Variants in FRAS1 observed in about 807,000 individuals in gnomAD.
The protein encoded by FRAS1 is extracellular matrix organizing protein FRAS1.
A neutral mutation model predicts 435.2 loss-of-function variants in FRAS1; 290 were observed. That is an observed-to-expected ratio of 0.67 (90% CI 0.61 to 0.73). The LOEUF (loss-of-function observed/expected upper bound fraction) is 0.73. Ranked by LOEUF, FRAS1 falls within the 30% of genes least tolerant of loss-of-function variation. The pLI, the probability that FRAS1 is intolerant of heterozygous loss-of-function variation, is 0.00. For synonymous variants in FRAS1, 1,800 were observed against 1,851.0 expected, an observed-to-expected ratio of 0.97 and a Z score of 0.71; for missense variants, 4,860 against 5,001.5, an observed-to-expected ratio of 0.97 and a Z score of 0.85.
At chr4:78,380,093 C>A in intron 27 of FRAS1, 97 bp downstream of exon 27, 1 of 1,345,470 alleles carries the variant, frequency 7.4e-7, no homozygotes, top group East Asian at 2.3e-5. Context: ...AATAGCTAAC[C>A]CTTCTCATCT....
intron 62 of FRAS1, 48 bp downstream of exon 62, chr4:78,507,656 G>A (rs1352907357): frequency 5.3e-6 from 8 of 1,520,686 alleles, no homozygotes; most frequent in African/African-American, 1.4e-5. Flanking sequence ...TCAGTGACTA[G>A]TAGATGAGAA....
intron 20 of FRAS1, among the ~76,000 whole-genome samples, chr4:78,355,270 AT>A (rs144603985): frequency 0.26 from 38,946 of 151,818 alleles, 5,954 homozygotes; most frequent in Non-Finnish European, 0.33. Context: ...AAGGAGGTAC[AT>A]ATACAAACAA....
At chr4:78,536,759 GA>G (rs957764242) in intron 71 of FRAS1, among the ~76,000 whole-genome samples, 30 of 151,684 alleles carry the variant, frequency 2.0e-4, no homozygotes, top group African/African-American at 7.0e-4. Flanking sequence ...AATGCTTATT[GA>G]AAAAAAGAAG....
chr4:78,459,182 C>A (rs749141277), intron 47 of FRAS1, among the ~76,000 whole-genome samples: 1 of 152,190 alleles, frequency 6.6e-6, no homozygotes, highest in Admixed American at 6.5e-5. Context: ...CAATGAAATT[C>A]TATTTACAGG....
chr4:78,455,343 C>T (rs1188415652), intron 47 of FRAS1, among the ~76,000 whole-genome samples: 1 of 152,112 alleles, frequency 6.6e-6, no homozygotes, highest in Non-Finnish European at 1.5e-5. Context: ...TTGGCTACAG[C>T]TTAGCAAAAA....
intron 20 of FRAS1, 104 bp downstream of exon 20, chr4:78,337,921 T>C (rs1458609980): frequency 6.0e-5 from 65 of 1,085,858 alleles, no homozygotes; most frequent in Non-Finnish European, 8.2e-5. Context: ...TGAGCTCTTT[T>C]ATAGGAGACA....
chr4:78,231,020 A>C (rs1332727040), intron 2 of FRAS1, among the ~76,000 whole-genome samples: 1 of 152,028 alleles, frequency 6.6e-6, no homozygotes, highest in Non-Finnish European at 1.5e-5. Context: ...AGTGGCACGA[A>C]CTCGGCTCAC....
intron 15 of FRAS1, among the ~76,000 whole-genome samples, chr4:78,312,859 A>G (rs445220): frequency 0.38 from 43,063 of 114,552 alleles, 8,174 homozygotes; most frequent in East Asian, 0.59. Flanking sequence ...GAAAGAAAGA[A>G]AGAGAGAGAG....
chr4:78,535,184 GT>G (rs1232694537), intron 71 of FRAS1, among the ~76,000 whole-genome samples: 1 of 152,066 alleles, frequency 6.6e-6, no homozygotes, highest in African/African-American at 2.4e-5. Flanking sequence ...TCACTCTCCT[GT>G]CCCTGGCCTC....
chr4:78,360,371 G>T (rs1394693147), intron 20 of FRAS1, among the ~76,000 whole-genome samples: 4 of 152,172 alleles, frequency 2.6e-5, no homozygotes, highest in African/African-American at 9.7e-5. Context: ...AAGGAAGTTG[G>T]GTAGTTAAGG....
At chr4:78,506,665 C>T (rs1032625448) in intron 61 of FRAS1, among the ~76,000 whole-genome samples, 2 of 152,166 alleles carry the variant, frequency 1.3e-5, no homozygotes, top group African/African-American at 4.8e-5. Context: ...TCACGGCTTC[C>T]CTTGGCTAGG....
At chr4:78,174,118 A>G (rs1278539190) in intron 2 of FRAS1, among the ~76,000 whole-genome samples, 2 of 152,194 alleles carry the variant, frequency 1.3e-5, no homozygotes, top group Non-Finnish European at 2.9e-5. Flanking sequence ...TTTTAGGACC[A>G]GTCTCTGATG....
chr4:78,522,877 A>C, intron 69 of FRAS1, 69 bp downstream of exon 69: 2 of 1,322,380 alleles, frequency 1.5e-6, no homozygotes, highest in South Asian at 3.1e-5. Flanking sequence ...GGAGCTTGGG[A>C]AATAGTGCTT....
intron 25 of FRAS1, 66 bp downstream of exon 25, chr4:78,374,317 C>T: frequency 7.0e-7 from 1 of 1,431,260 alleles, no homozygotes; most frequent in Non-Finnish European, 9.5e-7. Context: ...CATGTGCTGA[C>T]TCTCAGGTAT....
In FRAS1 at chr4:78,448,318, T is replaced by C; in HGVS notation, c.6274+2T>C. ...ACCAAGGCCTACAGCTCTCAGCAGGTACCACAGAAATAAAGGAGAGTGGCC... is the reference window on the plus strand; with the variant it reads ...ACCAAGGCCTACAGCTCTCAGCAGGCACCACAGAAATAAAGGAGAGTGGCC... On this transcript the variant is annotated splice_donor_variant, in intron 44 of 73. Coordinates refer to ENST00000512123, the MANE Select transcript of FRAS1 (RefSeq NM_025074.7). LOFTEE classifies it high-confidence loss of function. The C allele has an allele frequency of 6.2e-7, 1 of 1,600,012 alleles. No individual in the cohort carries two copies. Among genetic ancestry groups the C allele is most frequent in the Non-Finnish European group, 8.5e-7 (1 of 1,172,552 alleles).
At chr4:78,311,877 C>T (rs1026976169) in intron 15 of FRAS1, among the ~76,000 whole-genome samples, 7 of 152,098 alleles carry the variant, frequency 4.6e-5, no homozygotes, top group African/African-American at 1.7e-4. Context: ...TTTAAATGTG[C>T]TTTTCCCATT....
intron 6 of FRAS1, among the ~76,000 whole-genome samples, chr4:78,260,321 C>T (rs1024604892): frequency 1.3e-5 from 2 of 151,994 alleles, no homozygotes; most frequent in African/African-American, 2.4e-5. Flanking sequence ...CATATTGATT[C>T]TTCCTACCCA....
At position 78,455,424 on chromosome 4, in the gene FRAS1, A is replaced by T. The variant is rs7693839; in HGVS notation, c.6763+3070A>T. On this transcript the variant is annotated intron_variant, in intron 47 of 73. Coordinates refer to ENST00000512123, the MANE Select transcript of FRAS1 (RefSeq NM_025074.7). ...TACCAGAAGTTGGAGTTGAGGAGGG[A>T]GGGGGTTCTGTTATTTCCAAGAAGA... Among the ~76,000 whole-genome samples the T allele has an allele frequency of 4.1e-3, 627 of 151,220 alleles. 3 individuals are homozygous for T. Among genetic ancestry groups the T allele is most frequent in the African/African-American group, 0.014 (592 of 41,126 alleles).
intron 2 of FRAS1, among the ~76,000 whole-genome samples, chr4:78,228,170 T>C (rs1397603922): frequency 1.3e-5 from 2 of 152,226 alleles, no homozygotes; most frequent in South Asian, 2.1e-4. Flanking sequence ...ACATTTTGAA[T>C]GTTTACTTTT....
Sources: gnomAD v4.1 joint callset for allele counts (sites outside exome capture counted in the v4.1 genomes callset) on GRCh38, gnomAD v4.1.1 for gene constraint, MANE v1.5 for transcripts, NCBI Gene and HGNC (gene_info 2026-07-23, HGNC 2026-07-21) for gene names.